ANKRD30B: variants seen among roughly 807,000 people sequenced by gnomAD.
The protein encoded by ANKRD30B is ankyrin repeat domain-containing protein 30B.
In ANKRD30B, 144 loss-of-function variants were observed where a neutral mutation model predicts 202.2. That is an observed-to-expected ratio of 0.71 (90% CI 0.62 to 0.82). The LOEUF (loss-of-function observed/expected upper bound fraction) is 0.82. Ranked by LOEUF, ANKRD30B falls within the 40% of genes least tolerant of loss-of-function variation. ANKRD30B has a pLI of 0.00. For missense variants in ANKRD30B, 1,487 were observed against 1,669.1 expected, an observed-to-expected ratio of 0.89 and a Z score of 1.90; for synonymous variants, 508 against 561.3, an observed-to-expected ratio of 0.91 and a Z score of 1.34.
At chr18:14,915,558 T>G in the ANKRD30B span, 1 of 152,188 alleles carries the variant, frequency 6.6e-6, no homozygotes, top group African/African-American at 2.4e-5. Context: ...ATGTAGACGC[T>G]GTCTGAGAGA....
the ANKRD30B span, among the ~76,000 whole-genome samples, chr18:14,910,952 T>C: frequency 2.0e-5 from 3 of 152,172 alleles, no homozygotes; most frequent in Non-Finnish European, 4.4e-5. Flanking sequence ...TCATGTCCTT[T>C]CCCACTTTTT....
chr18:14,929,997 G>C, the ANKRD30B span, among the ~76,000 whole-genome samples: 14 of 152,200 alleles, frequency 9.2e-5, no homozygotes, highest in Admixed American at 3.3e-4. Context: ...GGCTCTGGAT[G>C]AGTAAGTGGC....
At position 14,809,358 on chromosome 18, in the gene ANKRD30B, C is replaced by T. The variant is rs34940319; in HGVS notation, c.2386+614C>T. Among the ~76,000 whole-genome samples, 38 of 151,010 alleles carry T rather than the reference C, an allele frequency of 2.5e-4. 4 individuals are homozygous for T. The highest frequency in any genetic ancestry group is 7.8e-4 in the African/African-American group (32 of 40,896). On this transcript the variant is annotated intron_variant, in intron 26 of 43. Transcript: ENST00000690538. ...CTATGATTAGCAAGATATTAATCAG[C>T]AGTAACAGTTGCAGCAAAAGCTGGT...
intron 10 of ANKRD30B, among the ~76,000 whole-genome samples, chr18:14,779,320 C>G (rs1473885205): frequency 6.6e-6 from 1 of 152,060 alleles, no homozygotes; most frequent in African/African-American, 2.4e-5. Context: ...CAAGGAGGCC[C>G]AAGTTGATTC....
chr18:14,827,144 C>T (rs943365396), intron 32 of ANKRD30B, among the ~76,000 whole-genome samples: 12 of 152,102 alleles, frequency 7.9e-5, no homozygotes, highest in Non-Finnish European at 1.6e-4. Flanking sequence ...TCATGTGACC[C>T]TGGATCATTG....
chr18:14,826,955 G>T (rs1184238568), intron 32 of ANKRD30B, among the ~76,000 whole-genome samples: 1 of 152,070 alleles, frequency 6.6e-6, no homozygotes. Context: ...AGGTGAATAT[G>T]GTCCCTCAAA....
chr18:14,784,158 C>A (rs1421695096), intron 12 of ANKRD30B, among the ~76,000 whole-genome samples, 178 bp from the exon 13 acceptor site: 2 of 152,056 alleles, frequency 1.3e-5, no homozygotes, highest in East Asian at 3.9e-4. Context: ...TTTATATTTT[C>A]TTCAGTGAAT....
At chr18:14,892,171 TTC>T in the ANKRD30B span, among the ~76,000 whole-genome samples, 1 of 152,260 alleles carries the variant, frequency 6.6e-6, no homozygotes, top group Admixed American at 6.5e-5. Flanking sequence ...TTAATATATT[TTC>T]TTTTAGATAA....
chr18:14,896,779 G>A, the ANKRD30B span, among the ~76,000 whole-genome samples: 1 of 137,002 alleles, frequency 7.3e-6, no homozygotes, highest in Non-Finnish European at 1.6e-5. Flanking sequence ...CTTGTTAAGT[G>A]GACAGTATCT....
At chr18:14,892,147 A>C in the ANKRD30B span, among the ~76,000 whole-genome samples, 2 of 152,204 alleles carry the variant, frequency 1.3e-5, no homozygotes, top group African/African-American at 4.8e-5. Flanking sequence ...TACTCCTGCC[A>C]TTCCTCCCTT....
chr18:14,808,253 C>T, intron 24 of ANKRD30B: 1 of 386,160 alleles, frequency 2.6e-6, no homozygotes, highest in Non-Finnish European at 4.9e-6. Flanking sequence ...CCCTATACGG[C>T]AGATTAATCT....
At chr18:14,888,123 A>G in the ANKRD30B span, among the ~76,000 whole-genome samples, 1 of 151,980 alleles carries the variant, frequency 6.6e-6, no homozygotes, top group Non-Finnish European at 1.5e-5. Context: ...CTTTTGTTAA[A>G]TTATCTATTT....
At chr18:14,777,712 C>T (rs1378124974) in intron 9 of ANKRD30B, among the ~76,000 whole-genome samples, 2 of 151,612 alleles carry the variant, frequency 1.3e-5, no homozygotes, top group African/African-American at 2.4e-5. Context: ...GAGGCTGAGG[C>T]GGGCGGATCA....
At chr18:14,890,496 A>G in the ANKRD30B span, among the ~76,000 whole-genome samples, 1 of 151,750 alleles carries the variant, frequency 6.6e-6, no homozygotes, top group African/African-American at 2.4e-5. Flanking sequence ...TGAGGCAGGT[A>G]GTCTTGTTAT....
At chr18:14,896,215 T>C in the ANKRD30B span, among the ~76,000 whole-genome samples, 1 of 151,882 alleles carries the variant, frequency 6.6e-6, no homozygotes, top group East Asian at 1.9e-4. Flanking sequence ...CACTGCAAGC[T>C]CCGCCTCCCA....
At chr18:14,796,994 A>T (rs565988971) in intron 18 of ANKRD30B, among the ~76,000 whole-genome samples, 148 of 152,216 alleles carry the variant, frequency 9.7e-4, no homozygotes, top group Non-Finnish European at 1.5e-3. Flanking sequence ...AGAAATGCAG[A>T]CTTTCCATAA....
At chr18:14,859,817 GC>G in the ANKRD30B span, among the ~76,000 whole-genome samples, 1 of 12,754 alleles carries the variant, frequency 7.8e-5, no homozygotes. Flanking sequence ...AGATGGGGCG[GC>G]CGGGCAGAGG....
At chr18:14,910,282 T>A in the ANKRD30B span, among the ~76,000 whole-genome samples, 874 of 152,132 alleles carry the variant, frequency 5.7e-3, 10 homozygotes, top group African/African-American at 0.02. Context: ...TCCATCTGTA[T>A]GTCTATGTGT....
the ANKRD30B span, among the ~76,000 whole-genome samples, chr18:14,919,396 C>T: frequency 3.3e-5 from 5 of 152,280 alleles, no homozygotes; most frequent in South Asian, 6.2e-4. Context: ...ACCTTGGGGC[C>T]CTGCAGCTCT....
Sources: allele counts gnomAD v4.1 joint callset (sites outside exome capture counted in the v4.1 genomes callset), GRCh38; gene constraint gnomAD v4.1.1; transcripts MANE v1.5; gene names NCBI Gene and HGNC (gene_info 2026-07-23, HGNC 2026-07-21).